Variants in AGTRAP observed in about 807,000 individuals in gnomAD.
AGTRAP encodes the protein angiotensin II receptor associated protein.
AGTRAP carries 7 observed loss-of-function variants against 15.2 expected under a neutral mutation model. The ratio of observed to expected loss-of-function variants is 0.46; its 90% CI spans 0.26 to 0.87. The LOEUF is 0.87. AGTRAP is among the 40% of genes least tolerant of loss of function. The pLI, the probability that AGTRAP is intolerant of heterozygous loss-of-function variation, is 0.15. For synonymous variants in AGTRAP, 74 were observed against 89.6 expected (o/e 0.83, Z 0.98); for missense variants, 187 against 213.4 (o/e 0.88, Z 0.77).
At chr1:11,744,171 A>G (rs1344330939) in intron 1 of AGTRAP, among the ~76,000 whole-genome samples, 1 of 152,114 alleles carries the variant, frequency 6.6e-6, no homozygotes, top group African/African-American at 2.4e-5. Context: ...GCTACTGGGG[A>G]GGCTGAAGCA....
At chr1:11,744,603 T>C in intron 1 of AGTRAP, 1 of 713,654 alleles carries the variant, frequency 1.4e-6, no homozygotes, top group Non-Finnish European at 2.6e-6. Flanking sequence ...CATCGAGGCC[T>C]CTTCTGATTT....
At chr1:11,746,078 A>G (rs1199042746) in intron 2 of AGTRAP, 5 of 1,577,542 alleles carry the variant, frequency 3.2e-6, no homozygotes, top group Non-Finnish European at 4.3e-6. Flanking sequence ...GTGAGGCCTC[A>G]GCACTGCAGC....
intron 3 of AGTRAP, among the ~76,000 whole-genome samples, chr1:11,747,873 C>A (rs1642205278): frequency 6.6e-6 from 1 of 152,216 alleles, no homozygotes; most frequent in African/African-American, 2.4e-5. Flanking sequence ...CCCTCTGCGG[C>A]TCTCTTTTAG....
chr1:11,741,657 T>G (rs1449847663), intron 1 of AGTRAP, among the ~76,000 whole-genome samples: 2 of 152,242 alleles, frequency 1.3e-5, no homozygotes, highest in African/African-American at 4.8e-5. Context: ...TGGCCTGCTC[T>G]GTGACCTTGG....
At chr1:11,736,320 A>G in intron 1 of AGTRAP, 85 bp downstream of exon 1, 3 of 1,546,218 alleles carry the variant, frequency 1.9e-6, no homozygotes, top group Non-Finnish European at 2.6e-6. Context: ...GAAGGACCGG[A>G]GTTTTGGGGA....
intron 1 of AGTRAP, 122 bp downstream of exon 1, chr1:11,736,357 G>A (rs1391847059): frequency 7.4e-6 from 10 of 1,352,460 alleles, no homozygotes; most frequent in Non-Finnish European, 8.1e-6. Flanking sequence ...AGGAAGGGAA[G>A]GTACAGACCC....
At chr1:11,740,133 C>T (rs926751878) in intron 1 of AGTRAP, among the ~76,000 whole-genome samples, 25 of 152,226 alleles carry the variant, frequency 1.6e-4, no homozygotes, top group African/African-American at 5.8e-4. Flanking sequence ...AGGTTCCTTC[C>T]CTGCTTCCAG....
chr1:11,740,711 G>C (rs1642010862), intron 1 of AGTRAP, among the ~76,000 whole-genome samples: 1 of 151,986 alleles, frequency 6.6e-6, no homozygotes, highest in Non-Finnish European at 1.5e-5. Context: ...GAATAATCCA[G>C]GGCTCTGCAG....
chr1:11,742,449 C>A (rs369828079), intron 1 of AGTRAP, among the ~76,000 whole-genome samples: 2 of 90,130 alleles, frequency 2.2e-5, no homozygotes, highest in Non-Finnish European at 6.1e-5. Context: ...TCGTTCCTTC[C>A]TTCCTTCCTT....
intron 1 of AGTRAP, among the ~76,000 whole-genome samples, chr1:11,737,538 A>G (rs554406224): frequency 3.9e-5 from 6 of 152,330 alleles, no homozygotes; most frequent in African/African-American, 1.4e-4. Context: ...GAAAGCTGAT[A>G]TGGTCATCTT....
chr1:11,737,563 A>G (rs1641929141), intron 1 of AGTRAP, among the ~76,000 whole-genome samples: 1 of 152,192 alleles, frequency 6.6e-6, no homozygotes, highest in Non-Finnish European at 1.5e-5. Flanking sequence ...CAGATGAGCA[A>G]ACTTCAGCTT....
In AGTRAP at chr1:11,745,088, C is replaced by T. The variant is rs1642126987; in HGVS notation, c.28-715C>T. On this transcript the variant is annotated intron_variant, in intron 1 of 4. Transcript: ENST00000314340. This position sits in a 1 kb window ranked among gnomAD's most constrained non-coding sequence, Gnocchi z 4.2. ...CAGGCTGGTCCTGAACTCCTGACCT[C>T]AGGTGATCCACCCACCTCGGCCTCC... is the stretch of plus-strand genomic sequence containing the variant. Among the ~76,000 whole-genome samples the T allele has an allele frequency of 6.6e-6, 1 of 151,814 alleles. No individual in the cohort carries two copies.
chr1:11,740,646 C>T (rs4073395), intron 1 of AGTRAP, among the ~76,000 whole-genome samples: 35,423 of 152,076 alleles, frequency 0.23, 4,691 homozygotes, highest in East Asian at 0.32. Context: ...GGGTATCCTG[C>T]GGATCAGAGG....
intron 4 of AGTRAP, 96 bp downstream of exon 4, chr1:11,748,706 G>A (rs1642236532): frequency 1.4e-6 from 2 of 1,416,122 alleles, no homozygotes; most frequent in Admixed American, 2.0e-5. Context: ...TGCCCCATGG[G>A]GCCAGGGCTC....
Position 11,745,326 on chromosome 1 carries a change from C to T in AGTRAP, c.28-477C>T, listed in dbSNP as rs17875989. On this transcript the variant is annotated intron_variant, in intron 1 of 4. Transcript: ENST00000314340. The surrounding 1 kb of genome is among the most constrained non-coding windows in gnomAD (Gnocchi z 4.2). The stretch of plus-strand genomic sequence containing the variant: ...AGTGAGGACAACCAGAGGTTACTCT[C>T]GTGGCCATCTTGATTTGGGTGGGTT... Among the ~76,000 whole-genome samples the T allele has an allele frequency of 2.0e-5, 3 of 152,258 alleles. No individual in the cohort carries two copies. The highest frequency in any genetic ancestry group is 1.9e-4 in the East Asian group (1 of 5,186).
Position 11,748,540 on chromosome 1 carries a change from C to T in AGTRAP, c.294C>T (p.Leu98=), listed in dbSNP as rs771467011. 7.5e-6 allele frequency: 12 copies of T among 1,608,434 alleles called. No individual in the cohort carries two copies. The highest frequency in any genetic ancestry group is 6.7e-5 in the East Asian group (3 of 44,542). The change falls in exon 4 of 5, where the codon CTC becomes CTT. Residue 98 remains leucine, a synonymous_variant. Coordinates refer to ENST00000314340, the MANE Select transcript of AGTRAP (RefSeq NM_020350.5). Reference sequence around the variant, plus strand: ...GCATGGCCATCCTCAGCTTGCTGCTCAAGCCGCTCTCCTGCTGCTTCGTCT... The same window carrying T: ...GCATGGCCATCCTCAGCTTGCTGCTTAAGCCGCTCTCCTGCTGCTTCGTCT... ...GVGMAILSLL[L]KPLSCCFVYH...
At chr1:11,746,232 T>C in intron 2 of AGTRAP, 1 of 1,597,352 alleles carries the variant, frequency 6.3e-7, no homozygotes, top group Non-Finnish European at 8.6e-7. Flanking sequence ...CTGTGAGTAA[T>C]GTGAACTGTA....
Position 11,745,201 on chromosome 1 carries a change from G to C in AGTRAP, c.28-602G>C, listed in dbSNP as rs1159476526. 6.6e-6 allele frequency among the ~76,000 whole-genome samples: 1 copy of C among 152,164 alleles called. No homozygotes were observed. Among genetic ancestry groups the C allele is most frequent in the Non-Finnish European group, 1.5e-5 (1 of 68,042 alleles). ...ATTTCTTGATAGTATGCTAACCAAG[G>C]GGTGGATTATTCATGCCTCCCCTTT... On this transcript the variant is annotated intron_variant, in intron 1 of 4. Coordinates refer to ENST00000314340, the MANE Select transcript of AGTRAP (RefSeq NM_020350.5). This position sits in a 1 kb window ranked among gnomAD's most constrained non-coding sequence, Gnocchi z 4.2.
Position 11,750,639 on chromosome 1 carries a change from T to G in AGTRAP, c.*447T>G. The G allele has an allele frequency of 6.1e-6, 2 of 325,218 alleles. No homozygotes were observed. The highest frequency in any genetic ancestry group is 1.2e-5 in the Non-Finnish European group (2 of 173,100). The allele number at this position is 325,218 out of a possible 1,614,324, so 20.1% of individuals were successfully genotyped here. ...CTGGCATGGGAGTGAGGCCCCGTCC[T>G]TCTCACTGCCTGGTCACATGGTGCC... On this transcript the variant is annotated 3_prime_UTR_variant, in exon 5 of 5. Transcript: ENST00000314340.
Sources: allele counts gnomAD v4.1 joint callset (sites outside exome capture counted in the v4.1 genomes callset), GRCh38; gene constraint gnomAD v4.1.1; non-coding constraint Gnocchi (gnomAD v3.1); transcripts MANE v1.5; gene names NCBI Gene and HGNC (gene_info 2026-07-23, HGNC 2026-07-21).